CDH4: variants seen among roughly 807,000 people sequenced by gnomAD.
CDH4 encodes the protein cadherin 4, also known as cadherin-4.
CDH4 carries 33 observed loss-of-function variants against 86.0 expected under a neutral mutation model. The observed-to-expected ratio is 0.38, with a 90% CI of 0.29 to 0.51. The LOEUF is 0.51. Ranked by LOEUF, CDH4 falls within the 20% of genes least tolerant of loss-of-function variation. The pLI is 0.86. For synonymous variants in CDH4, 555 were observed against 549.4 expected (o/e 1.01, Z -0.14); for missense variants, 1,114 against 1,307.4 (o/e 0.85, Z 2.28).
At chr20:61,652,779 G>T (rs1305296387) in intron 2 of CDH4, among the ~76,000 whole-genome samples, 1 of 145,632 alleles carries the variant, frequency 6.9e-6, no homozygotes, top group Non-Finnish European at 1.5e-5. Flanking sequence ...TTAATTCATG[G>T]GGTGATTTTT....
chr20:61,689,059 G>A (rs964362780), intron 2 of CDH4, among the ~76,000 whole-genome samples: 3 of 152,248 alleles, frequency 2.0e-5, no homozygotes, highest in African/African-American at 7.2e-5. Flanking sequence ...GTTCCACTTT[G>A]GATGAATTTC....
chr20:61,905,035 GA>G (rs1188177766), intron 8 of CDH4, among the ~76,000 whole-genome samples: 1 of 152,184 alleles, frequency 6.6e-6, no homozygotes, highest in African/African-American at 2.4e-5. Context: ...GCCCTCGTAG[GA>G]AGACAAAATC....
intron 4 of CDH4, among the ~76,000 whole-genome samples, chr20:61,777,760 A>G (rs55761517): frequency 0.25 from 15,990 of 65,170 alleles, 1,187 homozygotes; most frequent in East Asian, 0.39. Flanking sequence ...ACATGCGCAC[A>G]CACGTGCATA....
chr20:61,656,524 C>T (rs1231435068), intron 2 of CDH4, among the ~76,000 whole-genome samples: 1 of 152,012 alleles, frequency 6.6e-6, no homozygotes, highest in Non-Finnish European at 1.5e-5. Flanking sequence ...CCAGTGTGGT[C>T]AGGTGTGTGG....
At chr20:61,809,992 T>A (rs1457415492) in intron 4 of CDH4, among the ~76,000 whole-genome samples, 1 of 152,094 alleles carries the variant, frequency 6.6e-6, no homozygotes, top group East Asian at 1.9e-4. Flanking sequence ...GACCATCGTA[T>A]CAGTTGGTGA....
Position 61,301,101 on chromosome 20 carries a change from C to G in CDH4, c.169+46164C>G, listed in dbSNP as rs143867713. ...GCCCAACTCCCCATTTGCAGTGTCT[C>G]TGTGAAGGTGCCAAAGCCCATGGCC... On this transcript the variant is annotated intron_variant, in intron 2 of 15. Coordinates refer to ENST00000614565, the MANE Select transcript of CDH4 (RefSeq NM_001794.5). Among the ~76,000 whole-genome samples the G allele has an allele frequency of 2.5e-3, 374 of 152,392 alleles. 1 individual carries two copies. Among genetic ancestry groups the G allele is most frequent in the Non-Finnish European group, 3.5e-3 (237 of 68,042 alleles).
chr20:61,397,476 G>A (rs1011237591), intron 2 of CDH4, among the ~76,000 whole-genome samples: 1 of 151,968 alleles, frequency 6.6e-6, no homozygotes, highest in Non-Finnish European at 1.5e-5. Context: ...GCTTTTGAGG[G>A]CTTTCCCAAC....
intron 2 of CDH4, among the ~76,000 whole-genome samples, chr20:61,436,788 C>T (rs2145525118): frequency 6.6e-6 from 1 of 152,312 alleles, no homozygotes; most frequent in South Asian, 2.1e-4. Context: ...TGTGCCTGGT[C>T]TTTCTGGCGA....
intron 2 of CDH4, among the ~76,000 whole-genome samples, chr20:61,440,866 C>T (rs1362515561): frequency 6.6e-6 from 1 of 152,186 alleles, no homozygotes; most frequent in Non-Finnish European, 1.5e-5. Context: ...GTCTAAATGC[C>T]ACTGCCCTCG....
chr20:61,862,592 C>T (rs1983377503), intron 6 of CDH4, among the ~76,000 whole-genome samples: 1 of 152,324 alleles, frequency 6.6e-6, no homozygotes, highest in East Asian at 1.9e-4. Flanking sequence ...GGACCCCTCG[C>T]TCCCCATCAC....
At chr20:61,277,733 C>T (rs996656383) in intron 2 of CDH4, among the ~76,000 whole-genome samples, 2 of 152,208 alleles carry the variant, frequency 1.3e-5, no homozygotes, top group African/African-American at 4.8e-5. Flanking sequence ...AATGAAATTG[C>T]CCCTCTGTGG....
At chr20:61,330,519 C>T (rs1280765840) in intron 2 of CDH4, among the ~76,000 whole-genome samples, 1 of 152,144 alleles carries the variant, frequency 6.6e-6, no homozygotes, top group Non-Finnish European at 1.5e-5. Context: ...ACCAGAGCAG[C>T]CTGTGCTTTG....
intron 2 of CDH4, among the ~76,000 whole-genome samples, chr20:61,545,842 G>A (rs182519914): frequency 6.6e-6 from 1 of 151,538 alleles, no homozygotes; most frequent in African/African-American, 2.4e-5. Flanking sequence ...GTGTGTGTGT[G>A]GAGGGGTATG....
chr20:61,931,447 G>A (rs918719645), intron 13 of CDH4, among the ~76,000 whole-genome samples: 7 of 152,338 alleles, frequency 4.6e-5, no homozygotes, highest in East Asian at 1.9e-4. Flanking sequence ...TCCTCCTCAC[G>A]ACATCAGGCA....
intron 2 of CDH4, among the ~76,000 whole-genome samples, chr20:61,693,122 ACAAT>A (rs1425880895): frequency 1.3e-5 from 2 of 152,146 alleles, no homozygotes; most frequent in Admixed American, 6.5e-5. Context: ...CAGCCTGGTG[ACAAT>A]CAGAGAGGCC....
rs922696381 is a variant in CDH4, at chr20:61,417,886, A to G, written c.169+162949A>G. ...CAGGCCAGGAGCAGCAGGGCCCTTC[A>G]TGCTCAGAGGCCCACTTGGAAGAGA... On this transcript the variant is annotated intron_variant, in intron 2 of 15. Coordinates refer to ENST00000614565, the MANE Select transcript of CDH4 (RefSeq NM_001794.5). The surrounding 1 kb of genome is among the most constrained non-coding windows in gnomAD (Gnocchi z 4.0). Among the ~76,000 whole-genome samples, 1 of 152,054 alleles carries G rather than the reference A, an allele frequency of 6.6e-6. No individual in the cohort carries two copies. Among genetic ancestry groups the G allele is most frequent in the East Asian group, 1.9e-4 (1 of 5,162 alleles).
chr20:61,852,931 C>G, intron 6 of CDH4, 33 bp downstream of exon 6: 1 of 1,610,406 alleles, frequency 6.2e-7, no homozygotes, highest in Non-Finnish European at 8.5e-7. Context: ...GCTGGAGACC[C>G]TGTGGGCTCT....
At chr20:61,579,584 G>T (rs1185130219) in intron 2 of CDH4, among the ~76,000 whole-genome samples, 1 of 152,010 alleles carries the variant, frequency 6.6e-6, no homozygotes, top group Non-Finnish European at 1.5e-5. Context: ...ACTGCACCTG[G>T]CCCAGATGGA....
At chr20:61,777,627 C>T (rs1202238374) in intron 4 of CDH4, among the ~76,000 whole-genome samples, 1 of 151,718 alleles carries the variant, frequency 6.6e-6, no homozygotes, top group Non-Finnish European at 1.5e-5. Context: ...CACGTGCATA[C>T]AAAAACACAC....
Sources: allele counts gnomAD v4.1 joint callset (sites outside exome capture counted in the v4.1 genomes callset), GRCh38; gene constraint gnomAD v4.1.1; non-coding constraint Gnocchi (gnomAD v3.1); transcripts MANE v1.5; gene names NCBI Gene and HGNC (gene_info 2026-07-23, HGNC 2026-07-21).